Variants in MEF2C observed in about 807,000 individuals in gnomAD.
MEF2C encodes myocyte-specific enhancer factor 2C.
In MEF2C, 6 loss-of-function variants were observed where a neutral mutation model predicts 50.5. The ratio of observed to expected loss-of-function variants is 0.12; its 90% confidence interval spans 0.07 to 0.23. The LOEUF is 0.23. Among genes scored for constraint, MEF2C ranks in the 10% least tolerant of loss-of-function variants. MEF2C has a pLI of 1.00. For synonymous variants in MEF2C, 183 were observed against 228.0 expected (o/e 0.80, Z 1.78); for missense variants, 276 against 605.0 (o/e 0.46, Z 5.70).
chr5:88,833,807 T>C (rs1051206007), intron 1 of MEF2C, among the ~76,000 whole-genome samples: 2 of 152,144 alleles, frequency 1.3e-5, no homozygotes, highest in Admixed American at 1.3e-4. Flanking sequence ...AATATAATTA[T>C]AGTGCTTCTT....
At chr5:88,733,399 T>C in intron 6 of MEF2C, 1 of 985,242 alleles carries the variant, frequency 1.0e-6, no homozygotes, top group Non-Finnish European at 1.2e-6. Context: ...CTTGGGTTTA[T>C]ATGGTGGAAA....
intron 10 of MEF2C, among the ~76,000 whole-genome samples, chr5:88,725,667 A>G (rs1758379403): frequency 1.3e-5 from 2 of 152,086 alleles, no homozygotes; most frequent in African/African-American, 4.8e-5. Flanking sequence ...GAATTGGGAA[A>G]ACTCCTACCC....
At chr5:88,894,168 A>G (rs1442397021) in intron 1 of MEF2C, among the ~76,000 whole-genome samples, 1 of 152,184 alleles carries the variant, frequency 6.6e-6, no homozygotes, top group Non-Finnish European at 1.5e-5. Flanking sequence ...AACCTTTTAG[A>G]CATGTACTAT....
Position 88,722,579 on chromosome 5 carries a change from A to G in MEF2C, c.*25T>C. The G allele has an allele frequency of 6.3e-7, 1 of 1,583,874 alleles. No homozygotes were observed. Among genetic ancestry groups the G allele is most frequent in the Non-Finnish European group, 8.6e-7 (1 of 1,164,250 alleles). ...ACACACACACACTGCAAGAAAAAAA[A>G]AAAAACTAGTAAGTAATAATCTGAT... On this transcript the variant is annotated 3_prime_UTR_variant, in exon 11 of 11. Transcript: ENST00000504921.
chr5:88,816,506 A>G lies in MEF2C; in HGVS notation c.54+7229T>C, dbSNP rs932541295. Among the ~76,000 whole-genome samples the G allele has an allele frequency of 4.6e-5, 6 of 131,072 alleles. No homozygotes were observed. In the East Asian group the frequency reaches 1.1e-3, roughly 24 times the overall value. The allele number at this position is 131,072 out of a possible 152,430, so 86.0% of individuals were successfully genotyped here. A position where few individuals can be genotyped will look rare whatever the true frequency, so the allele number is the denominator to read the frequency against. On this transcript the variant is annotated intron_variant, in intron 2 of 10. Coordinates refer to ENST00000504921, the MANE Select transcript of MEF2C (RefSeq NM_002397.5). Reference sequence around the variant, plus strand: ...TTTTTTTTTTAATTTGGAAACTCTTACAAGTATTATTTAGGTCATTTTCCC... The same window carrying G: ...TTTTTTTTTTAATTTGGAAACTCTTGCAAGTATTATTTAGGTCATTTTCCC...
At chr5:88,812,399 T>G (rs1803251242) in intron 2 of MEF2C, among the ~76,000 whole-genome samples, 1 of 152,166 alleles carries the variant, frequency 6.6e-6, no homozygotes, top group Non-Finnish European at 1.5e-5. Context: ...AACAAGAAGT[T>G]TGCTACTGAG....
intron 3 of MEF2C, among the ~76,000 whole-genome samples, chr5:88,796,660 T>G (rs1285845461): frequency 1.3e-5 from 2 of 152,170 alleles, no homozygotes; most frequent in African/African-American, 4.8e-5. Flanking sequence ...ATTTCTTGTC[T>G]TCTGCCAGCT....
At chr5:88,739,736 A>T in intron 6 of MEF2C, 1 of 984,826 alleles carries the variant, frequency 1.0e-6, no homozygotes, top group Non-Finnish European at 1.2e-6. Flanking sequence ...TTTTATTTTT[A>T]TTTTTTTGAG....
intron 10 of MEF2C, among the ~76,000 whole-genome samples, chr5:88,725,852 C>T (rs976704532): frequency 5.9e-5 from 9 of 152,094 alleles, no homozygotes; most frequent in Admixed American, 1.3e-4. Flanking sequence ...ACAAAGTTGA[C>T]GTATGGAAAT....
intron 3 of MEF2C, chr5:88,766,944 G>A (rs1045938160): frequency 1.8e-5 from 6 of 340,892 alleles, no homozygotes; most frequent in Non-Finnish European, 2.5e-5. Context: ...CTCTTAACAA[G>A]CTGAATAATC....
intron 3 of MEF2C, among the ~76,000 whole-genome samples, chr5:88,793,435 G>A (rs1794682929): frequency 6.6e-6 from 1 of 152,094 alleles, no homozygotes; most frequent in African/African-American, 2.4e-5. Flanking sequence ...CCAACTTAAG[G>A]ACTGAGAGTC....
rs1470766505 is a variant in MEF2C at position 88,722,279 on chromosome 5, T to G, written c.*325A>C. ...TTCCTTTTGTCTATTTACATGTAAATAACGTTGAACCTGCAACATGACACT... is the reference window on the plus strand; with the variant it reads ...TTCCTTTTGTCTATTTACATGTAAAGAACGTTGAACCTGCAACATGACACT... On this transcript the variant is annotated 3_prime_UTR_variant, in exon 11 of 11. Coordinates refer to ENST00000504921, the MANE Select transcript of MEF2C (RefSeq NM_002397.5). 1 of 222,940 alleles carries G rather than the reference T, an allele frequency of 4.5e-6. No individual in the cohort carries two copies. Among genetic ancestry groups the G allele is most frequent in the Non-Finnish European group, 8.9e-6 (1 of 112,722 alleles). 13.8% of individuals were successfully genotyped at this position (222,940 alleles called of 1,614,324 possible).
At chr5:88,791,655 T>C (rs1793804532) in intron 3 of MEF2C, among the ~76,000 whole-genome samples, 1 of 152,106 alleles carries the variant, frequency 6.6e-6, no homozygotes, top group Admixed American at 6.5e-5. Flanking sequence ...AAAAAAGAAA[T>C]GGCTCTTCAA....
At chr5:88,814,447 G>C (rs1028098437) in intron 2 of MEF2C, among the ~76,000 whole-genome samples, 9 of 151,896 alleles carry the variant, frequency 5.9e-5, no homozygotes, top group African/African-American at 1.4e-4. Flanking sequence ...TAACCCTCCA[G>C]CATAACTTGC....
At chr5:88,819,224 A>G (rs961511525) in intron 2 of MEF2C, among the ~76,000 whole-genome samples, 1 of 151,938 alleles carries the variant, frequency 6.6e-6, no homozygotes, top group African/African-American at 2.4e-5. Context: ...ATGACACAAA[A>G]CCATGCTCTT....
chr5:88,797,238 G>A (rs187986567), intron 3 of MEF2C, among the ~76,000 whole-genome samples: 12 of 152,060 alleles, frequency 7.9e-5, no homozygotes, highest in South Asian at 4.2e-4. Flanking sequence ...TAAAGTCTCC[G>A]ACTATTATTG....
At chr5:88,778,130 G>C (rs1049181357) in intron 3 of MEF2C, among the ~76,000 whole-genome samples, 1 of 151,280 alleles carries the variant, frequency 6.6e-6, no homozygotes, top group African/African-American at 2.4e-5. Context: ...GGATGGTCTC[G>C]ATCTCTTGAC....
chr5:88,728,583 T>C lies in MEF2C; in HGVS notation c.1010A>G (p.Asn337Ser). Reference protein sequence around the residue: ...SADLSSLSGFNTASALHLGSV... With the variant: ...SADLSSLSGFSTASALHLGSV... ...ACCAAGGTGAAGAGCGCTGGCGGTG[T>C]TAAACCCAGACAGAGATGACAGGTC... Residue 337 changes from asparagine to serine, a missense_variant, in exon 10 of 11, where the codon AAC (asparagine) becomes AGC (serine). Asn to Ser is a conservative substitution (Grantham distance 46, BLOSUM62 1). Transcript: ENST00000504921. 1 of 1,530,820 alleles carries C rather than the reference T, an allele frequency of 6.5e-7. No homozygotes were observed. The highest frequency in any genetic ancestry group is 8.8e-7 in the Non-Finnish European group (1 of 1,135,220). 94.8% of individuals were successfully genotyped at this position (1,530,820 alleles called of 1,614,324 possible).
At chr5:88,834,569 A>G (rs1267823103) in intron 1 of MEF2C, among the ~76,000 whole-genome samples, 2 of 152,178 alleles carry the variant, frequency 1.3e-5, no homozygotes, top group African/African-American at 2.4e-5. Flanking sequence ...CAGAAGTGCT[A>G]TAGAGAAAAT....
Sources: allele counts gnomAD v4.1 joint callset (sites outside exome capture counted in the v4.1 genomes callset), GRCh38; gene constraint gnomAD v4.1.1; transcripts MANE v1.5; gene names NCBI Gene and HGNC (gene_info 2026-07-23, HGNC 2026-07-21).